Variants in KSR2 observed in about 807,000 individuals in gnomAD.
KSR2 encodes kinase suppressor of ras 2.
KSR2 carries 25 observed loss-of-function variants against 107.8 expected under a neutral mutation model. The observed-to-expected ratio is 0.23, with a 90% CI of 0.17 to 0.32. KSR2 has a LOEUF of 0.32. Among genes scored for constraint, KSR2 ranks in the 10% least tolerant of loss-of-function variants. KSR2 has a pLI of 1.00. For synonymous variants in KSR2, 480 were observed against 507.0 expected, an observed-to-expected ratio of 0.95 and a Z score of 0.71; for missense variants, 887 against 1,268.9, an observed-to-expected ratio of 0.70 and a Z score of 4.57.
intron 4 of KSR2, among the ~76,000 whole-genome samples, chr12:117,752,527 T>C (rs986974830): frequency 1.3e-5 from 2 of 152,188 alleles, no homozygotes; most frequent in Non-Finnish European, 2.9e-5. Context: ...CATGAATAAA[T>C]GCACACAAGG....
chr12:117,692,397 G>A (rs1885851938), intron 4 of KSR2, among the ~76,000 whole-genome samples: 1 of 144,434 alleles, frequency 6.9e-6, no homozygotes, highest in African/African-American at 2.6e-5. Context: ...ATAGTTTGGT[G>A]GTTCCTCAAA....
At chr12:117,690,326 G>A (rs1250508579) in intron 4 of KSR2, among the ~76,000 whole-genome samples, 1 of 152,212 alleles carries the variant, frequency 6.6e-6, no homozygotes, top group Non-Finnish European at 1.5e-5. Context: ...TACTTTGGGA[G>A]GCTGAGATGG....
At chr12:117,791,361 T>C (rs1246621575) in intron 3 of KSR2, among the ~76,000 whole-genome samples, 7 of 152,222 alleles carry the variant, frequency 4.6e-5, no homozygotes. Context: ...TTCACAGCCC[T>C]GAGTCATTCT....
chr12:117,891,746 G>A (rs911647027), intron 1 of KSR2, among the ~76,000 whole-genome samples: 2 of 152,190 alleles, frequency 1.3e-5, no homozygotes, highest in Non-Finnish European at 2.9e-5. Flanking sequence ...TAGCACTTTG[G>A]GAGGCCGAGG....
chr12:117,495,700 G>A (rs535577996), intron 14 of KSR2, among the ~76,000 whole-genome samples: 17 of 152,174 alleles, frequency 1.1e-4, no homozygotes, highest in Non-Finnish European at 1.9e-4. Context: ...AAAAGGAAGC[G>A]TAGACTCTCT....
chr12:117,872,770 G>C (rs1488674764), intron 1 of KSR2, among the ~76,000 whole-genome samples: 1 of 152,114 alleles, frequency 6.6e-6, no homozygotes, highest in Non-Finnish European at 1.5e-5. Flanking sequence ...TGGGTCCTTG[G>C]ACAATAAACA....
At chr12:117,533,935 A>C (rs4767555) in intron 10 of KSR2, among the ~76,000 whole-genome samples, 58,450 of 151,962 alleles carry the variant, frequency 0.38, 11,415 homozygotes, top group African/African-American at 0.43. Flanking sequence ...ATATGACCAG[A>C]AGAGGAAGAA....
At chr12:117,469,881 C>T in intron 18 of KSR2, 86 bp from the exon 19 acceptor site, 1 of 1,360,962 alleles carries the variant, frequency 7.3e-7, no homozygotes, top group South Asian at 1.3e-5. Context: ...GCCAATTTGT[C>T]CACTCATCTG....
chr12:117,553,113 T>G (rs1223462425), intron 9 of KSR2, among the ~76,000 whole-genome samples: 1 of 152,266 alleles, frequency 6.6e-6, no homozygotes, highest in Non-Finnish European at 1.5e-5. Flanking sequence ...ATTAAGTTAC[T>G]TGCTCAGTCT....
chr12:117,633,622 C>T (rs1024917539), intron 5 of KSR2, among the ~76,000 whole-genome samples: 2 of 152,174 alleles, frequency 1.3e-5, no homozygotes, highest in African/African-American at 4.8e-5. Flanking sequence ...TGGCTTGTGG[C>T]TGTATAACTC....
At chr12:117,834,554 A>G in intron 3 of KSR2, among the ~76,000 whole-genome samples, 1 of 152,200 alleles carries the variant, frequency 6.6e-6, no homozygotes, top group Non-Finnish European at 1.5e-5. Flanking sequence ...TAATCAACCC[A>G]GGAGGCAACA....
chr12:117,585,942 ATTC>A (rs926237865), intron 5 of KSR2, among the ~76,000 whole-genome samples: 2 of 152,186 alleles, frequency 1.3e-5, no homozygotes, highest in Non-Finnish European at 2.9e-5. Context: ...AGGAGGGAGG[ATTC>A]TTCTCCCCTT....
At chr12:117,797,278 A>G (rs1259761367) in intron 3 of KSR2, among the ~76,000 whole-genome samples, 1 of 152,258 alleles carries the variant, frequency 6.6e-6, no homozygotes, top group Non-Finnish European at 1.5e-5. Context: ...TGACCTATCC[A>G]TACAATGGAA....
chr12:117,626,039 G>A lies in KSR2; in HGVS notation c.1171+41435C>T, dbSNP rs149652650. On this transcript the variant is annotated intron_variant, in intron 5 of 19. Coordinates refer to ENST00000339824, the MANE Select transcript of KSR2 (RefSeq NM_173598.6). ...TGGTAGTTTGTATTTCTGTGGGATCGGTGGTGATATCCCCTTTATCACTTT... is the reference window on the plus strand; with the variant it reads ...TGGTAGTTTGTATTTCTGTGGGATCAGTGGTGATATCCCCTTTATCACTTT... 1.8e-3 allele frequency among the ~76,000 whole-genome samples: 267 copies of A among 152,206 alleles called. 1 individual carries two copies. The highest frequency in any genetic ancestry group is 6.0e-3 in the African/African-American group (251 of 41,534).
At chr12:117,792,943 C>T (rs925721338) in intron 3 of KSR2, among the ~76,000 whole-genome samples, 3 of 148,572 alleles carry the variant, frequency 2.0e-5, no homozygotes, top group South Asian at 2.2e-4. Context: ...CATGCACACA[C>T]GCTCACACCA....
At chr12:117,765,227 T>C (rs1484642276) in intron 3 of KSR2, among the ~76,000 whole-genome samples, 1 of 152,234 alleles carries the variant, frequency 6.6e-6, no homozygotes, top group Non-Finnish European at 1.5e-5. Flanking sequence ...TTAGCCTAAG[T>C]AAAGCCTGTT....
Position 117,730,437 on chromosome 12 carries a change from T to TC in KSR2, c.986+30573dup, listed in dbSNP as rs1887615799. Among the ~76,000 whole-genome samples, 13 of 151,710 alleles carry TC rather than the reference T, an allele frequency of 8.6e-5. No homozygotes were observed. The South Asian group carries it at 1.7e-3, about 20-fold the overall frequency. ...AGTGAAATCCCTCTCCCTCTCCCTC[T>TC]CCTCTTTCCACAGTCTCCCTCTCCC... is the stretch of plus-strand genomic sequence containing the variant. On this transcript the variant is annotated intron_variant, in intron 4 of 19. Transcript: ENST00000339824.
rs1474168813 is a variant in KSR2 at position 117,883,911 on chromosome 12, A to T, written c.181-23480T>A. Reference sequence around the variant, plus strand: ...AAAAAAAAAGGAAATGAGGTCAAAGAAGCAGAGACAGGGGCTGGGTCAAGT... The same window carrying T: ...AAAAAAAAAGGAAATGAGGTCAAAGTAGCAGAGACAGGGGCTGGGTCAAGT... On this transcript the variant is annotated intron_variant, in intron 1 of 19. Coordinates refer to ENST00000339824, the MANE Select transcript of KSR2 (RefSeq NM_173598.6). Among the ~76,000 whole-genome samples the T allele has an allele frequency of 2.0e-5, 3 of 151,578 alleles. No individual in the cohort carries two copies. The East Asian group carries it at 5.8e-4, about 29-fold the overall frequency.
In KSR2 at chr12:117,785,182, A is replaced by T. The variant is rs1002869710; in HGVS notation, c.473-23658T>A. Among the ~76,000 whole-genome samples the T allele has an allele frequency of 3.9e-5, 6 of 152,186 alleles. 1 individual carries two copies. Among genetic ancestry groups the T allele is most frequent in the Non-Finnish European group, 8.8e-5 (6 of 68,020 alleles). Reference sequence around the variant, plus strand: ...GTAATCCCAGCCCTTTGGGAGGCCAAGGCAGGTGGATCACCTGAGGTCAGG... The same window carrying T: ...GTAATCCCAGCCCTTTGGGAGGCCATGGCAGGTGGATCACCTGAGGTCAGG... On this transcript the variant is annotated intron_variant, in intron 3 of 19. Coordinates refer to ENST00000339824, the MANE Select transcript of KSR2 (RefSeq NM_173598.6).
Sources: allele counts gnomAD v4.1 joint callset (sites outside exome capture counted in the v4.1 genomes callset), GRCh38; gene constraint gnomAD v4.1.1; transcripts MANE v1.5; gene names NCBI Gene and HGNC (gene_info 2026-07-23, HGNC 2026-07-21).